Variants in CACNA2D1 observed in about 807,000 individuals in gnomAD.
The protein encoded by CACNA2D1 is voltage-dependent calcium channel subunit alpha-2/delta-1.
CACNA2D1 carries 53 observed loss-of-function variants against 171.5 expected under a neutral mutation model. That is an observed-to-expected ratio of 0.31 (90% CI 0.25 to 0.39). CACNA2D1 has a LOEUF of 0.39. Among genes scored for constraint, CACNA2D1 ranks in the 10% least tolerant of loss-of-function variants. The pLI is 1.00. For missense variants in CACNA2D1, 903 were observed against 1,299.8 expected, an observed-to-expected ratio of 0.69 and a Z score of 4.69; for synonymous variants, 442 against 443.1, an observed-to-expected ratio of 1.00 and a Z score of 0.03.
intron 3 of CACNA2D1, among the ~76,000 whole-genome samples, chr7:82,271,338 T>G (rs780280318): frequency 1.3e-5 from 2 of 152,108 alleles, no homozygotes; most frequent in Non-Finnish European, 2.9e-5. Flanking sequence ...TACTCTTATT[T>G]CTCCCCTACA....
intron 6 of CACNA2D1, among the ~76,000 whole-genome samples, chr7:82,107,730 C>A (rs1035090894): frequency 1.8e-4 from 27 of 151,788 alleles, no homozygotes; most frequent in Non-Finnish European, 3.2e-4. Flanking sequence ...ATTACAAGCA[C>A]ACATCACCAC....
intron 5 of CACNA2D1, among the ~76,000 whole-genome samples, chr7:82,119,603 TA>T (rs756430061): frequency 6.6e-6 from 1 of 152,186 alleles, no homozygotes; most frequent in East Asian, 1.9e-4. Flanking sequence ...CATGTTAACT[TA>T]AAAAATATTC....
intron 1 of CACNA2D1, among the ~76,000 whole-genome samples, chr7:82,361,915 C>T (rs564819410): frequency 5.3e-5 from 8 of 152,180 alleles, no homozygotes; most frequent in African/African-American, 1.9e-4. Flanking sequence ...GTGAAATAAA[C>T]ACTTTAAAAC....
chr7:81,962,555 A>G (rs1794267866), intron 34 of CACNA2D1, 60 bp from the exon 35 acceptor site: 2 of 966,320 alleles, frequency 2.1e-6, no homozygotes, highest in South Asian at 1.4e-5. Flanking sequence ...TTTTACATGT[A>G]CCCATACACA....
intron 3 of CACNA2D1, among the ~76,000 whole-genome samples, chr7:82,217,784 T>G (rs1801313743): frequency 6.6e-6 from 1 of 151,786 alleles, no homozygotes; most frequent in South Asian, 2.1e-4. Flanking sequence ...ATACTCCATT[T>G]TGAAAACTAC....
chr7:82,006,445 A>C (rs910164905), intron 16 of CACNA2D1, among the ~76,000 whole-genome samples: 5 of 152,108 alleles, frequency 3.3e-5, no homozygotes, highest in Non-Finnish European at 7.4e-5. Flanking sequence ...GCAAACTGCT[A>C]TCATAATCTT....
intron 38 of CACNA2D1, among the ~76,000 whole-genome samples, chr7:81,953,932 C>T (rs1792905581): frequency 6.6e-6 from 1 of 151,818 alleles, no homozygotes; most frequent in Non-Finnish European, 1.5e-5. Context: ...TGAGATATGT[C>T]TGTTTCTATT....
intron 3 of CACNA2D1, among the ~76,000 whole-genome samples, chr7:82,323,322 G>C (rs1245325729): frequency 6.6e-6 from 1 of 150,810 alleles, no homozygotes; most frequent in Non-Finnish European, 1.5e-5. Flanking sequence ...GCCTCACTTT[G>C]GGATTATCTT....
intron 1 of CACNA2D1, among the ~76,000 whole-genome samples, chr7:82,404,809 A>G (rs1826841322): frequency 6.6e-6 from 1 of 152,172 alleles, no homozygotes; most frequent in African/African-American, 2.4e-5. Context: ...CAGTGAGTCG[A>G]GAGAGAGAAG....
At chr7:82,103,919 AT>A (rs1207186094) in intron 6 of CACNA2D1, among the ~76,000 whole-genome samples, 4 of 152,012 alleles carry the variant, frequency 2.6e-5, no homozygotes, top group Non-Finnish European at 4.4e-5. Context: ...TAAACAAAAA[AT>A]ATACTTTATT....
chr7:82,164,613 A>C (rs181040794), intron 4 of CACNA2D1, among the ~76,000 whole-genome samples: 1 of 151,996 alleles, frequency 6.6e-6, no homozygotes, highest in South Asian at 2.1e-4. Flanking sequence ...TGGAGAGATT[A>C]TGCAATACAA....
chr7:81,981,905 C>T (rs1292089623), intron 24 of CACNA2D1, among the ~76,000 whole-genome samples: 2 of 151,862 alleles, frequency 1.3e-5, no homozygotes. Context: ...TGAATTAGAC[C>T]ATTAAAAAAA....
intron 3 of CACNA2D1, among the ~76,000 whole-genome samples, chr7:82,198,800 G>T (rs1328595641): frequency 6.6e-6 from 1 of 151,948 alleles, no homozygotes; most frequent in Admixed American, 6.6e-5. Context: ...TCCAGTTAAA[G>T]CGAGAGTTTG....
rs1792122002 is a variant in CACNA2D1 at position 81,947,336 on chromosome 7, T to G, written c.*3056A>C. The stretch of plus-strand genomic sequence containing the variant: ...CAGGAACACTGTTTTTTGTTTTTTT[T>G]TTTCCCAAGTTAAGCAGTAACACCT... On this transcript the variant is annotated 3_prime_UTR_variant, in exon 39 of 39. Transcript: ENST00000356860. 1 of 151,580 alleles carries G rather than the reference T, an allele frequency of 6.6e-6. No individual in the cohort carries two copies. The highest frequency in any genetic ancestry group is 2.1e-4 in the South Asian group (1 of 4,826). The allele number at this position is 151,580 out of a possible 1,614,324, so 9.4% of individuals were successfully genotyped here.
At chr7:82,255,956 A>T (rs535963309) in intron 3 of CACNA2D1, among the ~76,000 whole-genome samples, 10 of 152,268 alleles carry the variant, frequency 6.6e-5, no homozygotes, top group Admixed American at 1.3e-4. Flanking sequence ...AAGTACACAC[A>T]CTGAGTGACA....
chr7:82,193,595 T>G (rs901585537), intron 3 of CACNA2D1, among the ~76,000 whole-genome samples: 2 of 152,060 alleles, frequency 1.3e-5, no homozygotes, highest in Non-Finnish European at 2.9e-5. Context: ...AAATGCATAC[T>G]ATATTGAAGT....
At chr7:82,164,316 G>A (rs1479773503) in intron 4 of CACNA2D1, among the ~76,000 whole-genome samples, 1 of 151,900 alleles carries the variant, frequency 6.6e-6, no homozygotes, top group Non-Finnish European at 1.5e-5. Context: ...TCCCCAAGAA[G>A]TTTATATTTT....
intron 3 of CACNA2D1, among the ~76,000 whole-genome samples, chr7:82,310,143 G>A (rs1814249498): frequency 6.6e-6 from 1 of 151,700 alleles, no homozygotes; most frequent in East Asian, 1.9e-4. Context: ...ATTATGAAAT[G>A]GTTTTCATCT....
chr7:82,351,573 C>T, intron 1 of CACNA2D1, among the ~76,000 whole-genome samples: 1 of 151,458 alleles, frequency 6.6e-6, no homozygotes, highest in Admixed American at 6.6e-5. Context: ...GCTGTATGAA[C>T]AGGATAGAAA....
Sources: gnomAD v4.1 joint callset for allele counts (sites outside exome capture counted in the v4.1 genomes callset) on GRCh38, gnomAD v4.1.1 for gene constraint, MANE v1.5 for transcripts, NCBI Gene and HGNC (gene_info 2026-07-23, HGNC 2026-07-21) for gene names.